KLHL25: variants seen among roughly 807,000 people sequenced by gnomAD.
KLHL25 encodes kelch like family member 25.
A neutral mutation model predicts 30.0 loss-of-function variants in KLHL25; 41 were observed. That is an observed-to-expected ratio of 1.37 (90% CI 1.07 to 1.78). The LOEUF is 1.78. Ranked by LOEUF, KLHL25 falls within the 40% of genes most tolerant of loss-of-function variation. The pLI, the probability that KLHL25 is intolerant of heterozygous loss-of-function variation, is 0.00. For missense variants in KLHL25, 971 were observed against 824.5 expected (o/e 1.18, Z -2.18); for synonymous variants, 399 against 355.3 (o/e 1.12, Z -1.38).
intron 1 of KLHL25, among the ~76,000 whole-genome samples, chr15:85,783,132 C>T (rs969055776): frequency 5.3e-5 from 8 of 152,200 alleles, no homozygotes; most frequent in African/African-American, 1.9e-4. Context: ...CATAGTCTCA[C>T]TCTATCGCCC....
chr15:85,789,546 A>G lies in KLHL25; in HGVS notation c.-11+5220T>C, dbSNP rs2089802765. Among the ~76,000 whole-genome samples, 1 of 152,130 alleles carries G rather than the reference A, an allele frequency of 6.6e-6. No individual in the cohort carries two copies. The highest frequency in any genetic ancestry group is 2.4e-5 in the African/African-American group (1 of 41,420). On this transcript the variant is annotated intron_variant, in intron 1 of 2. Transcript: ENST00000337975. The surrounding 1 kb of genome is among the most constrained non-coding windows in gnomAD (Gnocchi z 4.1). Reference sequence around the variant, plus strand: ...TAGGCGCCTGCCACCATGTCCAGCTAATCTGCTGAAGATCTCCCTTGCTCC... The same window carrying G: ...TAGGCGCCTGCCACCATGTCCAGCTGATCTGCTGAAGATCTCCCTTGCTCC...
intron 1 of KLHL25, among the ~76,000 whole-genome samples, chr15:85,773,290 C>T (rs937123216): frequency 7.2e-5 from 11 of 152,094 alleles, no homozygotes; most frequent in African/African-American, 2.7e-4. Context: ...AGACACAGCA[C>T]ACGAAACTCA....
chr15:85,761,901 G>A (rs1224329039), intron 2 of KLHL25: 2 of 152,202 alleles, frequency 1.3e-5, no homozygotes, highest in Non-Finnish European at 2.9e-5. Context: ...GAACATAAGG[G>A]GCTTTCTAGT....
Position 85,760,745 on chromosome 15 carries a change from C to T in KLHL25, c.*291G>A, listed in dbSNP as rs1230922570. Reference sequence around the variant, plus strand: ...TCAAGGCTCTGCAAGTGTCCTTCTCCCCGACGCCAGGGTCAGTCCTGGTGG... The same window carrying T: ...TCAAGGCTCTGCAAGTGTCCTTCTCTCCGACGCCAGGGTCAGTCCTGGTGG... On this transcript the variant is annotated 3_prime_UTR_variant, in exon 3 of 3. Coordinates refer to ENST00000337975, the MANE Select transcript of KLHL25 (RefSeq NM_022480.4). 1 of 152,390 alleles carries T rather than the reference C, an allele frequency of 6.6e-6. No homozygotes were observed. Among genetic ancestry groups the T allele is most frequent in the Non-Finnish European group, 1.5e-5 (1 of 68,162 alleles). The allele number at this position is 152,390 out of a possible 1,614,324, so 9.4% of individuals were successfully genotyped here.
At position 85,768,053 on chromosome 15, in the gene KLHL25, G is replaced by A. The variant is rs770112950; in HGVS notation, c.1758C>T (p.His586=). The part of the protein sequence containing the change: ...IPTAFVSTWK[H]LPA ...CAGCAGGTGCTCCTCACGCGGGCAGGTGCTTCCAGGTGCTGACAAAGGCCG... is the reference window on the plus strand; with the variant it reads ...CAGCAGGTGCTCCTCACGCGGGCAGATGCTTCCAGGTGCTGACAAAGGCCG... Residue 586 remains histidine, a synonymous_variant, in exon 2 of 3, where the codon CAC becomes CAT. Transcript: ENST00000337975. 6.2e-6 allele frequency: 10 copies of A among 1,610,698 alleles called. No homozygotes were observed. Among genetic ancestry groups the A allele is most frequent in the Non-Finnish European group, 8.5e-6 (10 of 1,177,264 alleles).
At chr15:85,777,461 T>TC (rs1465453891) in intron 1 of KLHL25, among the ~76,000 whole-genome samples, 11 of 152,138 alleles carry the variant, frequency 7.2e-5, no homozygotes, top group African/African-American at 2.2e-4. Context: ...CACATGGCCC[T>TC]ACCCGTCAGC....
chr15:85,766,834 C>T (rs1408938649), intron 2 of KLHL25, among the ~76,000 whole-genome samples: 2 of 152,210 alleles, frequency 1.3e-5, no homozygotes, highest in Admixed American at 1.3e-4. Context: ...AGGACTTCTC[C>T]CCATCCCTTG....
intron 1 of KLHL25, among the ~76,000 whole-genome samples, chr15:85,782,189 T>C (rs1177193064): frequency 1.3e-5 from 2 of 152,192 alleles, no homozygotes; most frequent in Non-Finnish European, 2.9e-5. Context: ...CGTTTATTTA[T>C]AGCAAAAACA....
intron 1 of KLHL25, among the ~76,000 whole-genome samples, chr15:85,787,448 A>G (rs2089788027): frequency 6.6e-6 from 1 of 152,084 alleles, no homozygotes; most frequent in South Asian, 2.1e-4. Context: ...CTCAGTCTCA[A>G]AAAAAAATTA....
intron 1 of KLHL25, among the ~76,000 whole-genome samples, chr15:85,774,503 T>C (rs949491681): frequency 2.0e-5 from 3 of 152,104 alleles, no homozygotes; most frequent in African/African-American, 7.2e-5. Flanking sequence ...TGAAGAAAAC[T>C]TGCCACACTC....
rs992804610 is a variant in KLHL25, at chr15:85,781,761, G to C, written c.-10-11941C>G. On this transcript the variant is annotated intron_variant, in intron 1 of 2. Coordinates refer to ENST00000337975, the MANE Select transcript of KLHL25 (RefSeq NM_022480.4). The stretch of plus-strand genomic sequence containing the variant: ...GGCCTCCCAAAGTGTTGGGATTACA[G>C]ATGTGAGCCACCGCGCCTGGCCAGA... 2.0e-5 allele frequency among the ~76,000 whole-genome samples: 3 copies of C among 152,168 alleles called. No individual in the cohort carries two copies. In the South Asian group the frequency reaches 6.2e-4, roughly 32 times the overall value.
At chr15:85,765,549 CCAGGAGG>C (rs2089615499) in intron 2 of KLHL25, among the ~76,000 whole-genome samples, 1 of 151,138 alleles carries the variant, frequency 6.6e-6, no homozygotes, top group Non-Finnish European at 1.5e-5. Flanking sequence ...TCGCTTGAAC[CCAGGAGG>C]CAGAGGTTGC....
At chr15:85,764,884 G>C (rs2455558) in intron 2 of KLHL25, among the ~76,000 whole-genome samples, 12,862 of 152,334 alleles carry the variant, frequency 0.084, 885 homozygotes, top group East Asian at 0.37. Flanking sequence ...CTGAGCCTCA[G>C]GGGAATCAAG....
At position 85,768,519 on chromosome 15, in the gene KLHL25, C is replaced by G. The variant is rs372585368; in HGVS notation, c.1292G>C (p.Arg431Pro). 2.5e-6 allele frequency: 4 copies of G among 1,613,694 alleles called. No individual in the cohort carries two copies. Among genetic ancestry groups the G allele is most frequent in the Non-Finnish European group, 3.4e-6 (4 of 1,179,934 alleles). The change falls in exon 2 of 3, where the codon CGG (arginine) becomes CCG (proline). Residue 431 changes from arginine (R) to proline (P), a missense_variant. Physicochemically the swap from Arg to Pro is moderately radical, Grantham distance 103. Transcript: ENST00000337975. ...ANKWMMVAPLRDGVSNAAVVS... is the reference protein window; with the variant it reads ...ANKWMMVAPLPDGVSNAAVVS... ...CACTGCGGCATTGCTGACGCCATCC[C>G]GCAAGGGGGCCACCATCATCCACTT... is the stretch of plus-strand genomic sequence containing the variant.
chr15:85,783,694 TA>T (rs34688793), intron 1 of KLHL25, among the ~76,000 whole-genome samples: 16,436 of 136,242 alleles, frequency 0.12, 913 homozygotes, highest in Middle Eastern at 0.18. Context: ...TCCACCTCAA[TA>T]AAAAAAAAAA....
At chr15:85,787,121 A>G (rs1395747795) in intron 1 of KLHL25, among the ~76,000 whole-genome samples, 1 of 47,300 alleles carries the variant, frequency 2.1e-5, no homozygotes, top group African/African-American at 8.5e-5. Flanking sequence ...CCACCCCATC[A>G]CATTAGCTAA....
intron 1 of KLHL25, among the ~76,000 whole-genome samples, chr15:85,780,024 C>G (rs1357290683): frequency 3.3e-5 from 5 of 152,170 alleles, no homozygotes; most frequent in Admixed American, 3.3e-4. Context: ...CTTAAACCAC[C>G]CTGCAACGAA....
chr15:85,775,519 C>T (rs951093657), intron 1 of KLHL25, among the ~76,000 whole-genome samples: 1 of 152,162 alleles, frequency 6.6e-6, no homozygotes, highest in Non-Finnish European at 1.5e-5. Context: ...TGAAAACACA[C>T]AGCCGCAAGG....
At chr15:85,780,174 G>A (rs1054600039) in intron 1 of KLHL25, among the ~76,000 whole-genome samples, 19 of 152,204 alleles carry the variant, frequency 1.2e-4, no homozygotes, top group African/African-American at 4.6e-4. Flanking sequence ...GGACCCCAGA[G>A]CTGGGAGTCA....
Sources: allele counts gnomAD v4.1 joint callset (sites outside exome capture counted in the v4.1 genomes callset), GRCh38; gene constraint gnomAD v4.1.1; non-coding constraint Gnocchi (gnomAD v3.1); transcripts MANE v1.5; gene names NCBI Gene and HGNC (gene_info 2026-07-23, HGNC 2026-07-21).